Variants in SYNE2 observed in about 807,000 individuals in gnomAD.
The protein encoded by SYNE2 is spectrin repeat containing nuclear envelope protein 2, also known as nesprin-2.
Under a neutral mutation model 856.3 loss-of-function variants are expected in SYNE2, and 431 were observed. That is an observed-to-expected ratio of 0.50 (90% CI 0.47 to 0.55). The LOEUF is 0.55. SYNE2 is among the 20% of genes least tolerant of loss of function. The pLI is 0.00. For missense variants in SYNE2, 8,129 were observed against 8,023.2 expected (o/e 1.01, Z -0.50); for synonymous variants, 2,923 against 2,872.3 (o/e 1.02, Z -0.56).
chr14:64,027,743 C>G lies in SYNE2; in HGVS notation c.6664C>G (p.Pro2222Ala), dbSNP rs201838350. 2.2e-4 allele frequency: 358 copies of G among 1,613,350 alleles called. No individual in the cohort carries two copies. Among genetic ancestry groups the G allele is most frequent in the Non-Finnish European group, 2.7e-4 (314 of 1,179,766 alleles). The change falls in exon 43 of 116, where the codon CCT becomes GCT. Residue 2222 changes from proline (P) to alanine (A), a missense_variant. Transcript: ENST00000555002. ...CTKNPSFSEE[P>A]WLEIKHLHES... ...TAAAAATCCCAGCTTCAGTGAAGAG[C>G]CTTGGCTGGAAATAAAGCATCTACA...
At chr14:63,792,705 C>T (rs8014975) in intron 1 of SYNE2, among the ~76,000 whole-genome samples, 80,185 of 151,750 alleles carry the variant, frequency 0.53, 22,068 homozygotes, top group South Asian at 0.66. Flanking sequence ...CTTGCTCTCT[C>T]GCCAAGGTTG....
At chr14:64,224,808 T>G (rs1343553989) in intron 114 of SYNE2, among the ~76,000 whole-genome samples, 191 bp from the exon 115 acceptor site, 6 of 152,194 alleles carry the variant, frequency 3.9e-5, no homozygotes, top group African/African-American at 1.2e-4. Context: ...ACCCTGAAAC[T>G]GAGTAGATTA....
intron 94 of SYNE2, among the ~76,000 whole-genome samples, chr14:64,171,614 G>A (rs1021580946): frequency 7.9e-5 from 12 of 152,180 alleles, no homozygotes; most frequent in African/African-American, 2.9e-4. Flanking sequence ...CAGACTGAAG[G>A]AGAGGCTTAC....
chr14:64,016,550 A>C lies in SYNE2; in HGVS notation c.4806A>C (p.Gln1602His). ...DKINQVCKNLQFYLNKMKTFE... is the reference protein window; with the variant it reads ...DKINQVCKNLHFYLNKMKTFE... ...TAAACCAGGTCTGCAAAAATCTACA[A>C]TTTTATCTAAATAAAATGAAAACTT... Residue 1602 changes from glutamine (Q) to histidine (H), a missense_variant, in exon 33 of 116, where the codon CAA (glutamine) becomes CAC (histidine). Coordinates refer to ENST00000555002, the MANE Select transcript of SYNE2 (RefSeq NM_182914.3). 6.2e-7 allele frequency: 1 copy of C among 1,604,038 alleles called. No homozygotes were observed. The highest frequency in any genetic ancestry group is 8.5e-7 in the Non-Finnish European group (1 of 1,173,538).
chr14:63,943,166 C>T (rs1460590306), intron 6 of SYNE2, among the ~76,000 whole-genome samples: 1 of 152,202 alleles, frequency 6.6e-6, no homozygotes, highest in African/African-American at 2.4e-5. Flanking sequence ...TGTGAATAAT[C>T]CCACAACATC....
chr14:63,814,269 T>TA (rs926281691), intron 1 of SYNE2, among the ~76,000 whole-genome samples: 28 of 147,086 alleles, frequency 1.9e-4, no homozygotes, highest in Non-Finnish European at 2.4e-4. Context: ...GGCTCTGTCT[T>TA]AAAAAAAAAC....
chr14:63,946,731 A>G (rs1258044637), intron 6 of SYNE2, among the ~76,000 whole-genome samples: 1 of 150,576 alleles, frequency 6.6e-6, no homozygotes, highest in Admixed American at 6.6e-5. Flanking sequence ...TAGAATATAT[A>G]TATAAATTGC....
At chr14:64,090,762 A>C in intron 59 of SYNE2, 104 bp from the exon 60 acceptor site, 1 of 1,062,366 alleles carries the variant, frequency 9.4e-7, no homozygotes, top group Non-Finnish European at 1.4e-6. Flanking sequence ...TATTTTAAAA[A>C]TGCAAACTAT....
In SYNE2 at chr14:64,134,026, C is replaced by T. The variant is rs138638994; in HGVS notation, c.14515-43C>T. On this transcript the variant is annotated intron_variant, in intron 77 of 115. Transcript: ENST00000555002. ...AATTATGTTGTTATCTGGAACCAATCTGGTAAAGGGCTTCCACTAATTTTA... is the reference window on the plus strand; with the variant it reads ...AATTATGTTGTTATCTGGAACCAATTTGGTAAAGGGCTTCCACTAATTTTA... The T allele has an allele frequency of 3.2e-4, 516 of 1,611,158 alleles. 2 individuals carry two copies. The African/African-American group carries it at 6.3e-3, about 20-fold the overall frequency.
chr14:64,017,278 G>A (rs1161943301), intron 33 of SYNE2, among the ~76,000 whole-genome samples: 4 of 133,790 alleles, frequency 3.0e-5, no homozygotes, highest in East Asian at 2.2e-4. Context: ...GCAGTGAGCC[G>A]AGTTCGCACC....
chr14:63,893,614 C>A (rs2095186289), intron 1 of SYNE2, among the ~76,000 whole-genome samples: 1 of 152,124 alleles, frequency 6.6e-6, no homozygotes, highest in African/African-American at 2.4e-5. Context: ...TTAATTTATT[C>A]TTTTTAAAAA....
At chr14:64,128,711 T>G (rs932001995) in intron 74 of SYNE2, among the ~76,000 whole-genome samples, 158 bp downstream of exon 74, 1 of 152,310 alleles carries the variant, frequency 6.6e-6, no homozygotes, top group Non-Finnish European at 1.5e-5. Flanking sequence ...TAAAAACATC[T>G]CCTAATTTTC....
chr14:63,884,078 A>C (rs1398432543), intron 1 of SYNE2, among the ~76,000 whole-genome samples: 3 of 152,208 alleles, frequency 2.0e-5, no homozygotes, highest in Non-Finnish European at 4.4e-5. Context: ...GAGAGGAGCC[A>C]CAGCCTGGAT....
intron 50 of SYNE2, among the ~76,000 whole-genome samples, chr14:64,063,352 G>A (rs2097332332): frequency 6.6e-6 from 1 of 152,154 alleles, no homozygotes; most frequent in African/African-American, 2.4e-5. Context: ...CTGGCCTTAT[G>A]TAATATATTG....
At chr14:63,875,506 C>T (rs1390339546) in intron 1 of SYNE2, among the ~76,000 whole-genome samples, 2 of 152,064 alleles carry the variant, frequency 1.3e-5, no homozygotes, top group Non-Finnish European at 2.9e-5. Context: ...GGAAGTTAAG[C>T]TTGGGGTGGA....
At chr14:64,044,981 T>G (rs1160727242) in intron 45 of SYNE2, among the ~76,000 whole-genome samples, 1 of 152,184 alleles carries the variant, frequency 6.6e-6, no homozygotes, top group Non-Finnish European at 1.5e-5. Flanking sequence ...TAAAATAAAA[T>G]GTTTAAAATG....
At chr14:63,977,604 A>G (rs377561420) in intron 12 of SYNE2, among the ~76,000 whole-genome samples, 55 of 152,282 alleles carry the variant, frequency 3.6e-4, no homozygotes, top group African/African-American at 1.3e-3. Flanking sequence ...TTTTTTAAAA[A>G]ACAAAATTAG....
intron 95 of SYNE2, among the ~76,000 whole-genome samples, chr14:64,175,792 A>G (rs1357212775): frequency 6.6e-6 from 1 of 152,194 alleles, no homozygotes; most frequent in Admixed American, 6.5e-5. Flanking sequence ...CCAAAACTAG[A>G]TAACCAAACT....
At chr14:64,053,852 C>A (rs1204219200) in intron 48 of SYNE2, among the ~76,000 whole-genome samples, 195 bp downstream of exon 48, 1 of 152,048 alleles carries the variant, frequency 6.6e-6, no homozygotes, top group Non-Finnish European at 1.5e-5. Flanking sequence ...GGTTGTAATC[C>A]CAGCTACTCA....
Sources: gnomAD v4.1 joint callset for allele counts (sites outside exome capture counted in the v4.1 genomes callset) on GRCh38, gnomAD v4.1.1 for gene constraint, MANE v1.5 for transcripts, NCBI Gene and HGNC (gene_info 2026-07-23, HGNC 2026-07-21) for gene names.